Variants in NRXN1 observed in about 807,000 individuals in gnomAD.
NRXN1 encodes neurexin 1.
In NRXN1, 39 loss-of-function variants were observed where a neutral mutation model predicts 150.9. The observed-to-expected ratio is 0.26, with a 90% CI of 0.20 to 0.34. The LOEUF (loss-of-function observed/expected upper bound fraction) is 0.34, where lower values mean the gene tolerates loss of function less well. NRXN1 is among the 10% of genes least tolerant of loss of function. NRXN1 has a pLI of 1.00. For synonymous variants in NRXN1, 924 were observed against 757.0 expected (o/e 1.22, Z -3.62); for missense variants, 1,815 against 1,949.9 (o/e 0.93, Z 1.30).
intron 5 of NRXN1, among the ~76,000 whole-genome samples, chr2:50,785,243 CT>C (rs35158893): frequency 0.043 from 4,552 of 106,090 alleles, 44 homozygotes; most frequent in East Asian, 0.11. Context: ...AGAAAATACA[CT>C]TTTTTTTTTT....
chr2:50,979,457 G>A (rs1286734213), intron 2 of NRXN1, among the ~76,000 whole-genome samples: 1 of 152,046 alleles, frequency 6.6e-6, no homozygotes, highest in Non-Finnish European at 1.5e-5. Flanking sequence ...AGCCAGATGT[G>A]CAACATATAA....
At chr2:50,848,946 G>A (rs867457120) in intron 5 of NRXN1, among the ~76,000 whole-genome samples, 11 of 152,168 alleles carry the variant, frequency 7.2e-5, no homozygotes, top group Admixed American at 2.0e-4. Flanking sequence ...ACGAAAGCAG[G>A]TCCCAGGCGA....
At chr2:50,885,896 T>C (rs536328671) in intron 5 of NRXN1, among the ~76,000 whole-genome samples, 25 of 150,594 alleles carry the variant, frequency 1.7e-4, no homozygotes, top group African/African-American at 6.1e-4. Flanking sequence ...GAGTTAGAAG[T>C]ACATTTTAGT....
intron 22 of NRXN1, among the ~76,000 whole-genome samples, chr2:49,936,462 A>C (rs1235626582): frequency 6.6e-6 from 1 of 152,146 alleles, no homozygotes; most frequent in Non-Finnish European, 1.5e-5. Context: ...TATGTTCCAG[A>C]CACTCTGCCA....
At chr2:50,000,918 CA>C (rs1683816475) in intron 21 of NRXN1, among the ~76,000 whole-genome samples, 1 of 152,144 alleles carries the variant, frequency 6.6e-6, no homozygotes, top group Admixed American at 6.6e-5. Context: ...CTTGGTCATC[CA>C]GGGGTTGTTC....
chr2:50,405,055 C>A (rs1330159759), intron 17 of NRXN1, among the ~76,000 whole-genome samples: 1 of 152,078 alleles, frequency 6.6e-6, no homozygotes, highest in Non-Finnish European at 1.5e-5. Context: ...ACTTACTATG[C>A]CAAAGAGGGG....
At chr2:50,194,976 A>G (rs1217491259) in intron 18 of NRXN1, among the ~76,000 whole-genome samples, 2 of 152,184 alleles carry the variant, frequency 1.3e-5, no homozygotes, top group South Asian at 2.1e-4. Context: ...ATTTGAGGCC[A>G]TCTTTAGACA....
intron 22 of NRXN1, among the ~76,000 whole-genome samples, chr2:49,941,716 A>T (rs1672006572): frequency 6.6e-6 from 1 of 152,170 alleles, no homozygotes; most frequent in South Asian, 2.1e-4. Context: ...AATACTGAAA[A>T]ATGGATTACC....
chr2:50,777,721 G>A (rs781497212), intron 5 of NRXN1, among the ~76,000 whole-genome samples: 1 of 152,056 alleles, frequency 6.6e-6, no homozygotes, highest in Admixed American at 6.6e-5. Flanking sequence ...ATCCTAAAAG[G>A]CTAAGTTCTA....
chr2:50,641,446 G>C (rs947728374), intron 5 of NRXN1, among the ~76,000 whole-genome samples: 1 of 152,082 alleles, frequency 6.6e-6, no homozygotes, highest in Non-Finnish European at 1.5e-5. Context: ...TCTCTTCAGT[G>C]AAACATTCTC....
intron 17 of NRXN1, among the ~76,000 whole-genome samples, chr2:50,442,053 C>T (rs1041968455): frequency 2.0e-5 from 3 of 152,148 alleles, no homozygotes; most frequent in African/African-American, 7.2e-5. Context: ...ATATGTCCAT[C>T]ACTGTGGCTA....
At chr2:51,030,285 A>T (rs1671285679) in intron 1 of NRXN1, among the ~76,000 whole-genome samples, 1 of 152,100 alleles carries the variant, frequency 6.6e-6, no homozygotes, top group South Asian at 2.1e-4. Flanking sequence ...ACACATGCAC[A>T]CACACACCCC....
rs78881464 is a variant in NRXN1 at position 50,690,281 on chromosome 2, T to C, written c.833-66666A>G. Among the ~76,000 whole-genome samples the C allele has an allele frequency of 2.9e-3, 442 of 152,284 alleles. 3 individuals carry two copies. Among genetic ancestry groups the C allele is most frequent in the African/African-American group, 0.01 (419 of 41,572 alleles). On this transcript the variant is annotated intron_variant, in intron 5 of 22. Transcript: ENST00000401669. ...CCAATAATATGTACATAACCTGAAA[T>C]GCAAAATATGATGAAAAGCATAGTG... is the stretch of plus-strand genomic sequence containing the variant.
intron 17 of NRXN1, among the ~76,000 whole-genome samples, chr2:50,456,958 A>C (rs911074356): frequency 6.6e-6 from 1 of 152,170 alleles, no homozygotes; most frequent in African/African-American, 2.4e-5. Context: ...GAATCTTAAC[A>C]GTTAATTTCC....
intron 2 of NRXN1, among the ~76,000 whole-genome samples, chr2:50,980,497 T>C (rs952267335): frequency 5.3e-5 from 8 of 152,140 alleles, no homozygotes; most frequent in Non-Finnish European, 1.2e-4. Flanking sequence ...CATTTTTCTT[T>C]GCTTTTCATC....
At chr2:50,879,837 T>A (rs1016951042) in intron 5 of NRXN1, among the ~76,000 whole-genome samples, 2 of 151,964 alleles carry the variant, frequency 1.3e-5, no homozygotes, top group African/African-American at 4.8e-5. Flanking sequence ...GTTATGGTCG[T>A]AATGCTACAG....
chr2:50,615,554 T>C (rs1678928262), intron 8 of NRXN1: 1 of 152,168 alleles, frequency 6.6e-6, no homozygotes, highest in African/African-American at 2.4e-5. Context: ...GGGAGCGCCA[T>C]GACCCTTCCT....
At chr2:50,115,642 G>C (rs1401337978) in intron 18 of NRXN1, among the ~76,000 whole-genome samples, 3 of 151,588 alleles carry the variant, frequency 2.0e-5, no homozygotes, top group Non-Finnish European at 4.4e-5. Flanking sequence ...TTCCAGTCTT[G>C]GGAAAAGAAA....
At chr2:50,891,073 C>G (rs1680986516) in intron 5 of NRXN1, among the ~76,000 whole-genome samples, 1 of 151,938 alleles carries the variant, frequency 6.6e-6, no homozygotes, top group East Asian at 1.9e-4. Context: ...CCAAAGGATA[C>G]TCCACAGCCT....
Sources: gnomAD v4.1 joint callset for allele counts (sites outside exome capture counted in the v4.1 genomes callset) on GRCh38, gnomAD v4.1.1 for gene constraint, MANE v1.5 for transcripts, NCBI Gene and HGNC (gene_info 2026-07-23, HGNC 2026-07-21) for gene names.